The following CACNA2D3 variants were observed in gnomAD, a reference collection of about 807,000 sequenced individuals.
The protein encoded by CACNA2D3 is voltage-dependent calcium channel subunit alpha-2/delta-3.
Under a neutral mutation model 160.6 loss-of-function variants are expected in CACNA2D3, and 60 were observed. The ratio of observed to expected loss-of-function variants is 0.37; its 90% confidence interval spans 0.30 to 0.46. The LOEUF is 0.46. Among genes scored for constraint, CACNA2D3 ranks in the 20% least tolerant of loss-of-function variants. CACNA2D3 has a pLI of 1.00. For missense variants in CACNA2D3, 1,205 were observed against 1,365.0 expected, an observed-to-expected ratio of 0.88 and a Z score of 1.85; for synonymous variants, 558 against 492.9, an observed-to-expected ratio of 1.13 and a Z score of -1.75.
chr3:54,840,560 G>A (rs1277834575), intron 16 of CACNA2D3, among the ~76,000 whole-genome samples: 3 of 151,092 alleles, frequency 2.0e-5, no homozygotes, highest in African/African-American at 7.3e-5. Flanking sequence ...ACAGGTGCAC[G>A]CCACCATGCC....
chr3:54,826,877 AAAG>A (rs1317937519), intron 14 of CACNA2D3, among the ~76,000 whole-genome samples: 2 of 152,200 alleles, frequency 1.3e-5, no homozygotes, highest in Non-Finnish European at 1.5e-5. Context: ...TTTGGATTTC[AAAG>A]AAGCATAAGA....
At chr3:54,515,556 C>G (rs1268861166) in intron 5 of CACNA2D3, among the ~76,000 whole-genome samples, 1 of 152,142 alleles carries the variant, frequency 6.6e-6, no homozygotes, top group African/African-American at 2.4e-5. Flanking sequence ...TAGCAGAACG[C>G]CCAAGTAAGT....
intron 2 of CACNA2D3, among the ~76,000 whole-genome samples, chr3:54,288,200 A>G (rs1185403086): frequency 6.6e-6 from 1 of 152,222 alleles, no homozygotes; most frequent in Admixed American, 6.5e-5. Flanking sequence ...AAGAAAAGAG[A>G]GAAGAATCAA....
intron 8 of CACNA2D3, among the ~76,000 whole-genome samples, chr3:54,578,135 A>G (rs1354787607): frequency 1.3e-5 from 2 of 152,220 alleles, no homozygotes; most frequent in Non-Finnish European, 2.9e-5. Flanking sequence ...GAAAGGGGAA[A>G]GTTTAAGTAC....
At chr3:54,491,999 C>G (rs1014209089) in intron 4 of CACNA2D3, among the ~76,000 whole-genome samples, 3 of 152,300 alleles carry the variant, frequency 2.0e-5, no homozygotes, top group African/African-American at 7.2e-5. Context: ...GGCACGCAAA[C>G]ATAGCCTTTT....
chr3:54,259,677 C>T (rs1702368685), intron 2 of CACNA2D3, among the ~76,000 whole-genome samples: 1 of 152,146 alleles, frequency 6.6e-6, no homozygotes, highest in South Asian at 2.1e-4. Context: ...TGGAAGATCC[C>T]CTTAAGTAAC....
chr3:54,806,988 A>T (rs1195418085), intron 13 of CACNA2D3, among the ~76,000 whole-genome samples: 1 of 152,216 alleles, frequency 6.6e-6, no homozygotes, highest in African/African-American at 2.4e-5. Context: ...TGCTGGGAAA[A>T]CTGGCTAGCC....
At chr3:54,204,086 A>G (rs1431808222) in intron 2 of CACNA2D3, among the ~76,000 whole-genome samples, 9 of 151,848 alleles carry the variant, frequency 5.9e-5, no homozygotes, top group Non-Finnish European at 4.4e-5. Flanking sequence ...GAGCTGAGAC[A>G]TCTCATACCA....
At chr3:54,871,202 C>CACACACACACACACACAGAG (rs1559611318) in intron 17 of CACNA2D3, among the ~76,000 whole-genome samples, 4 of 144,544 alleles carry the variant, frequency 2.8e-5, no homozygotes, top group African/African-American at 1.1e-4. Context: ...CACACACACA[C>CACACACACACACACACAGAG]ACACACACAC....
At chr3:54,727,185 T>A (rs1701293900) in intron 11 of CACNA2D3, among the ~76,000 whole-genome samples, 1 of 152,028 alleles carries the variant, frequency 6.6e-6, no homozygotes. Flanking sequence ...ATTAGAGAAA[T>A]GCAAATCAAA....
rs564997963 is a variant in CACNA2D3 at position 54,901,888 on chromosome 3, A to G, written c.2449+2020A>G. Among the ~76,000 whole-genome samples, 126 of 152,122 alleles carry G rather than the reference A, an allele frequency of 8.3e-4. 1 individual carries two copies. In the South Asian group the frequency reaches 0.026, roughly 31 times the overall value. ...CGGCCTCTTCAGCACCCCCTCCCCA[A>G]GTTTTCCTGACTCTGACTCAACCAT... On this transcript the variant is annotated intron_variant, in intron 27 of 37. Coordinates refer to ENST00000474759, the MANE Select transcript of CACNA2D3 (RefSeq NM_018398.3).
intron 3 of CACNA2D3, among the ~76,000 whole-genome samples, chr3:54,371,557 A>G (rs73841998): frequency 0.032 from 4,809 of 152,324 alleles, 264 homozygotes; most frequent in African/African-American, 0.11. Flanking sequence ...GTTGTTTTAT[A>G]CTGTGGTCAT....
intron 2 of CACNA2D3, among the ~76,000 whole-genome samples, chr3:54,192,809 T>A (rs1701007656): frequency 6.6e-6 from 1 of 152,150 alleles, no homozygotes; most frequent in Non-Finnish European, 1.5e-5. Flanking sequence ...CTGCAGCTGG[T>A]GCAAGGGAAA....
rs143467231 is a variant in CACNA2D3, at chr3:54,793,887, A to C, written c.1381-22966A>C. Among the ~76,000 whole-genome samples the C allele has an allele frequency of 2.7e-3, 405 of 152,280 alleles. 2 individuals carry two copies. The highest frequency in any genetic ancestry group is 9.3e-3 in the African/African-American group (385 of 41,564). On this transcript the variant is annotated intron_variant, in intron 13 of 37. Coordinates refer to ENST00000474759, the MANE Select transcript of CACNA2D3 (RefSeq NM_018398.3). ...TCTTTGTGGGGAAGTTCCTCATTCC[A>C]AATTCATTTTCTTTTGTAGATATAG...
intron 11 of CACNA2D3, among the ~76,000 whole-genome samples, chr3:54,646,845 A>G (rs1311561662): frequency 1.3e-5 from 2 of 152,134 alleles, no homozygotes; most frequent in Admixed American, 6.5e-5. Flanking sequence ...ACGGTCTTCC[A>G]CAATGGTTGA....
At chr3:54,945,441 G>C (rs1261240574) in intron 27 of CACNA2D3, among the ~76,000 whole-genome samples, 1 of 152,196 alleles carries the variant, frequency 6.6e-6, no homozygotes, top group South Asian at 2.1e-4. Context: ...GCCCAGGCAT[G>C]TATCTCTTTT....
intron 4 of CACNA2D3, among the ~76,000 whole-genome samples, chr3:54,390,018 T>G (rs9877529): frequency 0.22 from 33,236 of 152,152 alleles, 3,910 homozygotes; most frequent in Middle Eastern, 0.32. Flanking sequence ...GGAGTGATTG[T>G]GCGGGAGAGA....
intron 2 of CACNA2D3, among the ~76,000 whole-genome samples, chr3:54,128,337 A>ACCC (rs1699639415): frequency 6.6e-6 from 1 of 151,994 alleles, no homozygotes; most frequent in African/African-American, 2.4e-5. Flanking sequence ...CGAAACCATC[A>ACCC]CACCCGGCAC....
intron 4 of CACNA2D3, among the ~76,000 whole-genome samples, chr3:54,500,504 T>TCTTCCTTCCTTCCTATCTTCCTTCCTTC (rs1559498619): frequency 3.7e-4 from 38 of 102,122 alleles, no homozygotes; most frequent in East Asian, 2.2e-3. Flanking sequence ...TTCCTTCCTA[T>TCTTCCTTCCTTCCTATCTTCCTTCCTTC]CTTCCTTCCT....
Sources: allele counts gnomAD v4.1 joint callset (sites outside exome capture counted in the v4.1 genomes callset), GRCh38; gene constraint gnomAD v4.1.1; transcripts MANE v1.5; gene names NCBI Gene and HGNC (gene_info 2026-07-23, HGNC 2026-07-21).